Variants in PTPRD observed in about 807,000 individuals in gnomAD.
PTPRD encodes the protein protein tyrosine phosphatase receptor type D.
PTPRD carries 34 observed loss-of-function variants against 214.5 expected under a neutral mutation model. The observed-to-expected ratio is 0.16, with a 90% confidence interval of 0.12 to 0.21. PTPRD has a LOEUF of 0.21. PTPRD is among the 10% of genes least tolerant of loss of function. The probability of loss-of-function intolerance (pLI) is 1.00; values close to 1 mark genes in which losing one functional copy is unlikely to be tolerated. For synonymous variants in PTPRD, 1,128 were observed against 845.7 expected (o/e 1.33, Z -5.79); for missense variants, 2,545 against 2,398.7 (o/e 1.06, Z -1.27).
intron 5 of PTPRD, among the ~76,000 whole-genome samples, chr9:9,853,120 C>T (rs767924667): frequency 2.0e-5 from 3 of 152,174 alleles, no homozygotes; most frequent in Non-Finnish European, 4.4e-5. Flanking sequence ...GACCTCTAGT[C>T]TCGGCAGAAG....
chr9:9,856,738 T>A (rs747578272), intron 5 of PTPRD, among the ~76,000 whole-genome samples: 1 of 152,190 alleles, frequency 6.6e-6, no homozygotes, highest in Non-Finnish European at 1.5e-5. Flanking sequence ...AGCGGGATAC[T>A]TTTCTCAGCT....
At chr9:8,519,902 C>T (rs72694775) in intron 20 of PTPRD, among the ~76,000 whole-genome samples, 310 of 152,084 alleles carry the variant, frequency 2.0e-3, no homozygotes, top group Non-Finnish European at 3.8e-3. Context: ...CTTCAGCAAG[C>T]CTTCAAATAT....
At chr9:9,622,612 C>T (rs2095283316) in intron 7 of PTPRD, among the ~76,000 whole-genome samples, 1 of 152,102 alleles carries the variant, frequency 6.6e-6, no homozygotes, top group African/African-American at 2.4e-5. Flanking sequence ...TGAAGCCCAC[C>T]ATCATGTAAG....
chr9:10,379,264 G>T (rs2097779352), intron 2 of PTPRD, among the ~76,000 whole-genome samples: 2 of 151,550 alleles, frequency 1.3e-5, no homozygotes, highest in African/African-American at 4.8e-5. Flanking sequence ...GTGTGTGTGT[G>T]TGTAGTCATT....
At chr9:9,622,456 G>A (rs1057360977) in intron 7 of PTPRD, among the ~76,000 whole-genome samples, 14 of 152,064 alleles carry the variant, frequency 9.2e-5, no homozygotes, top group South Asian at 4.2e-4. Flanking sequence ...TATCATTTAC[G>A]TATTGTACAA....
At chr9:8,709,668 C>G (rs1287286177) in intron 12 of PTPRD, among the ~76,000 whole-genome samples, 2 of 151,828 alleles carry the variant, frequency 1.3e-5, no homozygotes, top group Non-Finnish European at 2.9e-5. Flanking sequence ...ATTAAAATAT[C>G]CAGTTATATT....
At chr9:9,632,092 T>G (rs929373955) in intron 7 of PTPRD, among the ~76,000 whole-genome samples, 1 of 152,178 alleles carries the variant, frequency 6.6e-6, no homozygotes, top group African/African-American at 2.4e-5. Flanking sequence ...ACATGAAAAC[T>G]TGTATGTGTA....
chr9:8,566,098 A>ATGTGTGTGTGTG (rs1491211691), intron 14 of PTPRD, among the ~76,000 whole-genome samples: 18 of 46,234 alleles, frequency 3.9e-4, no homozygotes, highest in Middle Eastern at 0.012. Context: ...TGAATGCAAA[A>ATGTGTGTGTGTG]TATGTGTGTG....
At chr9:9,037,017 C>G (rs1304391904) in intron 10 of PTPRD, among the ~76,000 whole-genome samples, 1 of 152,138 alleles carries the variant, frequency 6.6e-6, no homozygotes, top group East Asian at 1.9e-4. Context: ...ACAGTGCAAT[C>G]TACAAGGTTG....
At chr9:9,873,282 A>G (rs1214521797) in intron 5 of PTPRD, among the ~76,000 whole-genome samples, 2 of 152,150 alleles carry the variant, frequency 1.3e-5, no homozygotes, top group Non-Finnish European at 2.9e-5. Flanking sequence ...CTCTGCTTTC[A>G]GTGGTGGAAA....
intron 12 of PTPRD, among the ~76,000 whole-genome samples, chr9:8,637,443 A>G (rs2096468650): frequency 6.6e-6 from 1 of 152,194 alleles, no homozygotes; most frequent in Admixed American, 6.5e-5. Flanking sequence ...AATTTGCATA[A>G]AAGAAGATGA....
At chr9:10,224,090 T>C (rs1387978598) in intron 3 of PTPRD, among the ~76,000 whole-genome samples, 2 of 151,984 alleles carry the variant, frequency 1.3e-5, no homozygotes, top group Non-Finnish European at 1.5e-5. Flanking sequence ...TCTATGAAGA[T>C]AATTTCAGTT....
chr9:10,306,529 G>C (rs1474129126), intron 3 of PTPRD, among the ~76,000 whole-genome samples: 8 of 152,050 alleles, frequency 5.3e-5, no homozygotes, highest in Middle Eastern at 3.4e-3. Flanking sequence ...TTTCAAATAT[G>C]CGATACAATA....
intron 36 of PTPRD, among the ~76,000 whole-genome samples, chr9:8,395,046 C>T (rs2090733402): frequency 6.6e-6 from 1 of 152,144 alleles, no homozygotes; most frequent in East Asian, 1.9e-4. Flanking sequence ...AGCTGAGCGT[C>T]TTACCCTGCT....
chr9:8,555,769 A>C (rs1035088672), intron 14 of PTPRD, among the ~76,000 whole-genome samples: 25 of 152,190 alleles, frequency 1.6e-4, no homozygotes, highest in Admixed American at 1.3e-4. Context: ...ACATCTAGAA[A>C]GAGAGTCTAC....
At chr9:8,376,287 A>C (rs1039336) in intron 38 of PTPRD, among the ~76,000 whole-genome samples, 197 bp from the exon 39 acceptor site, 1 of 151,752 alleles carries the variant, frequency 6.6e-6, no homozygotes, top group Non-Finnish European at 1.5e-5. Flanking sequence ...AGGAAGACAA[A>C]ATTCTTAGGT....
chr9:8,713,081 G>T (rs1362175637), intron 12 of PTPRD, among the ~76,000 whole-genome samples: 1 of 152,150 alleles, frequency 6.6e-6, no homozygotes, highest in Non-Finnish European at 1.5e-5. Context: ...ATGTGTGTGT[G>T]CTTTTTATTT....
rs147680193 is a variant in PTPRD, at chr9:10,394,988, G to T, written c.-599-53971C>A. On this transcript the variant is annotated intron_variant, in intron 2 of 45. Transcript: ENST00000381196. ...TTTTTTTTTTTTTAGTCAGCTGTCAGTAACACTGGGTTCTGCTGCCTGCAC... is the reference window on the plus strand; with the variant it reads ...TTTTTTTTTTTTTAGTCAGCTGTCATTAACACTGGGTTCTGCTGCCTGCAC... Among the ~76,000 whole-genome samples the T allele has an allele frequency of 4.4e-3, 617 of 139,216 alleles. 6 individuals carry two copies. Among genetic ancestry groups the T allele is most frequent in the African/African-American group, 0.016 (589 of 36,420 alleles). 91.3% of individuals were successfully genotyped at this position (139,216 alleles called of 152,430 possible). A position where few individuals can be genotyped will look rare whatever the true frequency, so the allele number is the denominator to read the frequency against.
chr9:10,037,061 T>C (rs1012473534), intron 3 of PTPRD, among the ~76,000 whole-genome samples: 2 of 151,966 alleles, frequency 1.3e-5, no homozygotes, highest in Non-Finnish European at 2.9e-5. Context: ...AATTTTTTAA[T>C]GTTTTGTTTT....
Sources: allele counts gnomAD v4.1 joint callset (sites outside exome capture counted in the v4.1 genomes callset), GRCh38; gene constraint gnomAD v4.1.1; transcripts MANE v1.5; gene names NCBI Gene and HGNC (gene_info 2026-07-23, HGNC 2026-07-21).